The following DNM3 variants were observed in gnomAD, a reference collection of about 807,000 sequenced individuals.
The protein encoded by DNM3 is dynamin-3.
DNM3 carries 47 observed loss-of-function variants against 101.6 expected under a neutral mutation model. The observed-to-expected ratio is 0.46, with a 90% CI of 0.37 to 0.59. DNM3 has a LOEUF of 0.59. DNM3 is among the 20% of genes least tolerant of loss of function. The probability of loss-of-function intolerance (pLI) is 0.00; values close to 1 mark genes in which losing one functional copy is unlikely to be tolerated. For synonymous variants in DNM3, 385 were observed against 387.9 expected, an observed-to-expected ratio of 0.99 and a Z score of 0.09; for missense variants, 849 against 1,085.7, an observed-to-expected ratio of 0.78 and a Z score of 3.06.
At chr1:171,841,988 G>A (rs113378441) in intron 1 of DNM3, among the ~76,000 whole-genome samples, 171 bp downstream of exon 1, 2 of 151,982 alleles carry the variant, frequency 1.3e-5, no homozygotes, top group Admixed American at 1.3e-4. Context: ...GGGCGGGCGG[G>A]GTCCTCCAGC....
intron 14 of DNM3, among the ~76,000 whole-genome samples, chr1:172,179,885 T>A (rs2148385994): frequency 6.6e-6 from 1 of 152,144 alleles, no homozygotes; most frequent in African/African-American, 2.4e-5. Context: ...TTTTCGCCCA[T>A]GGCGTACATA....
chr1:172,005,954 C>T (rs143602993), intron 4 of DNM3, among the ~76,000 whole-genome samples: 37 of 152,166 alleles, frequency 2.4e-4, no homozygotes, highest in African/African-American at 8.4e-4. Flanking sequence ...GAGTTTCCTC[C>T]TGTTGCTGAT....
chr1:172,216,265 A>G (rs2060695635), intron 14 of DNM3, among the ~76,000 whole-genome samples: 1 of 152,128 alleles, frequency 6.6e-6, no homozygotes, highest in South Asian at 2.1e-4. Context: ...TATTTTATAC[A>G]GTTTATCCCT....
chr1:172,264,532 A>T (rs989760223), intron 15 of DNM3, among the ~76,000 whole-genome samples: 3 of 152,206 alleles, frequency 2.0e-5, no homozygotes, highest in Non-Finnish European at 4.4e-5. Flanking sequence ...AGATGAGGTT[A>T]CGCTTGATTA....
intron 14 of DNM3, among the ~76,000 whole-genome samples, chr1:172,214,618 A>C (rs1291238780): frequency 6.6e-6 from 1 of 152,158 alleles, no homozygotes; most frequent in Non-Finnish European, 1.5e-5. Context: ...AGTATTTTCG[A>C]ATCTTACAGT....
intron 10 of DNM3, among the ~76,000 whole-genome samples, chr1:172,059,003 T>A (rs1034542050): frequency 2.8e-4 from 43 of 152,022 alleles, no homozygotes; most frequent in Non-Finnish European, 5.0e-4. Context: ...TAAAAAATGA[T>A]AAAGGGGATA....
At position 172,080,455 on chromosome 1, in the gene DNM3, A is replaced by G. The variant is rs1025918831; in HGVS notation, c.1423-1377A>G. On this transcript the variant is annotated intron_variant, in intron 11 of 20. Transcript: ENST00000627582. ...GAAAACTGCCTACTAAAGCCTCAGT[A>G]ATGGCAGACGCCCCTCCCCCAACCA... 3.3e-5 allele frequency among the ~76,000 whole-genome samples: 5 copies of G among 152,128 alleles called. No individual in the cohort carries two copies. In the South Asian group the frequency reaches 1.0e-3, roughly 31 times the overall value.
At chr1:171,922,720 A>G (rs2040274976) in intron 2 of DNM3, among the ~76,000 whole-genome samples, 1 of 152,166 alleles carries the variant, frequency 6.6e-6, no homozygotes, top group Admixed American at 6.5e-5. Flanking sequence ...CCACCACTCC[A>G]GCCTAGGCAC....
chr1:172,410,240 A>G lies in DNM3; in HGVS notation c.*2399A>G, dbSNP rs1016811321. The G allele has an allele frequency of 2.0e-6, 2 of 985,262 alleles. No homozygotes were observed. Among genetic ancestry groups the G allele is most frequent in the Admixed American group, 6.2e-5 (1 of 16,252 alleles). The allele number at this position is 985,262 out of a possible 1,614,324, so 61.0% of individuals were successfully genotyped here. ...TGTATTCTGCTAAAAGGAGATGCCAATGTTGAATGAAGTCTGAAACTCTAG... is the reference window on the plus strand; with the variant it reads ...TGTATTCTGCTAAAAGGAGATGCCAGTGTTGAATGAAGTCTGAAACTCTAG... On this transcript the variant is annotated 3_prime_UTR_variant, in exon 21 of 21. Transcript: ENST00000627582.
chr1:171,876,351 C>G (rs912694472), intron 1 of DNM3, among the ~76,000 whole-genome samples: 1 of 152,082 alleles, frequency 6.6e-6, no homozygotes, highest in African/African-American at 2.4e-5. Context: ...AAAAAAAGGA[C>G]AGTTCACTTC....
intron 14 of DNM3, among the ~76,000 whole-genome samples, chr1:172,165,637 A>G (rs1421113146): frequency 2.0e-5 from 3 of 152,060 alleles, no homozygotes; most frequent in Non-Finnish European, 2.9e-5. Context: ...ACAGCAACCA[A>G]CGCTGCAAGG....
At chr1:172,243,672 A>G (rs2061832146) in intron 14 of DNM3, among the ~76,000 whole-genome samples, 1 of 152,190 alleles carries the variant, frequency 6.6e-6, no homozygotes, top group Non-Finnish European at 1.5e-5. Context: ...CAGTCCATCA[A>G]ACACAGGGAG....
At chr1:171,855,187 G>T (rs1345742830) in intron 1 of DNM3, among the ~76,000 whole-genome samples, 1 of 152,076 alleles carries the variant, frequency 6.6e-6, no homozygotes, top group African/African-American at 2.4e-5. Flanking sequence ...AGCTCCGTCC[G>T]TGTTCCTGCA....
chr1:172,295,912 A>G (rs1461986972), intron 15 of DNM3, among the ~76,000 whole-genome samples: 1 of 152,238 alleles, frequency 6.6e-6, no homozygotes, highest in Non-Finnish European at 1.5e-5. Flanking sequence ...AATGCAAAGA[A>G]TAAGTGAAAA....
At chr1:172,333,737 T>C (rs34945663) in intron 17 of DNM3, among the ~76,000 whole-genome samples, 40,503 of 151,988 alleles carry the variant, frequency 0.27, 7,264 homozygotes, top group African/African-American at 0.51. Context: ...ATATATTCAG[T>C]TGCATCCCAA....
chr1:171,901,608 T>C (rs2038364237), intron 1 of DNM3, among the ~76,000 whole-genome samples: 1 of 152,278 alleles, frequency 6.6e-6, no homozygotes, highest in African/African-American at 2.4e-5. Context: ...AAAGGAATAA[T>C]AATGCCAATA....
At chr1:172,016,021 CAA>C (rs55970040) in intron 4 of DNM3, among the ~76,000 whole-genome samples, 43,233 of 136,008 alleles carry the variant, frequency 0.32, 7,839 homozygotes, top group African/African-American at 0.54. Flanking sequence ...ACTAAAATTA[CAA>C]AAAAAAAAAA....
At chr1:172,337,866 TTTTTATTTTATTTTATTTTATTTTA>T (rs567308271) in intron 17 of DNM3, among the ~76,000 whole-genome samples, 23 of 113,164 alleles carry the variant, frequency 2.0e-4, no homozygotes, top group Middle Eastern at 4.1e-3. Context: ...TTTTATTTTA[TTTTTATTTTATTTTATTTTATTTTA>T]TTTTATTTTA....
At chr1:172,199,186 ATG>A (rs1181489030) in intron 14 of DNM3, among the ~76,000 whole-genome samples, 1 of 152,034 alleles carries the variant, frequency 6.6e-6, no homozygotes, top group Admixed American at 6.6e-5. Flanking sequence ...ATTCAGGAGT[ATG>A]TTGTTTAATT....
Sources: gnomAD v4.1 joint callset for allele counts (sites outside exome capture counted in the v4.1 genomes callset) on GRCh38, gnomAD v4.1.1 for gene constraint, MANE v1.5 for transcripts, NCBI Gene and HGNC (gene_info 2026-07-23, HGNC 2026-07-21) for gene names.